The following ZFPM2 variants were observed in gnomAD, a reference collection of about 807,000 sequenced individuals.
ZFPM2 encodes zinc finger protein ZFPM2.
ZFPM2 carries 20 observed loss-of-function variants against 98.6 expected under a neutral mutation model. The ratio of observed to expected loss-of-function variants is 0.20; its 90% CI spans 0.14 to 0.29. ZFPM2 has a LOEUF of 0.29. Ranked by LOEUF, ZFPM2 falls within the 10% of genes least tolerant of loss-of-function variation. The pLI, the probability that ZFPM2 is intolerant of heterozygous loss-of-function variation, is 1.00. For missense variants in ZFPM2, 1,310 were observed against 1,388.6 expected, an observed-to-expected ratio of 0.94 and a Z score of 0.90; for synonymous variants, 518 against 502.7, an observed-to-expected ratio of 1.03 and a Z score of -0.41.
chr8:105,377,758 T>G (rs1259429621), intron 1 of ZFPM2, among the ~76,000 whole-genome samples: 1 of 151,974 alleles, frequency 6.6e-6, no homozygotes, highest in East Asian at 1.9e-4. Context: ...CCAGCCTGAG[T>G]GACAGATCAA....
Position 105,692,508 on chromosome 8 carries a change from AAATGGGATGTTCATAAGTATGTAATTC to A in ZFPM2, c.532+58156_532+58182del, listed in dbSNP as rs780528623. On this transcript the variant is annotated intron_variant, in intron 5 of 7. Transcript: ENST00000407775. ...TTGAATCACATAATCAGATTCGTAC[AAATGGGATGTTCATAAGTATGTAATTC>A]AATGTAGCATGCATTAAGTGCTTTA... Among the ~76,000 whole-genome samples the A allele has an allele frequency of 3.9e-4, 60 of 152,342 alleles. 1 individual carries two copies. The highest frequency in any genetic ancestry group is 6.8e-4 in the Non-Finnish European group (46 of 68,028).
chr8:105,468,392 C>T (rs537273375), intron 3 of ZFPM2, among the ~76,000 whole-genome samples: 3 of 152,038 alleles, frequency 2.0e-5, no homozygotes, highest in African/African-American at 4.8e-5. Flanking sequence ...TTTACAACCA[C>T]GCTTTATCCC....
At chr8:105,677,283 A>G (rs1810493554) in intron 5 of ZFPM2, among the ~76,000 whole-genome samples, 1 of 151,892 alleles carries the variant, frequency 6.6e-6, no homozygotes, top group African/African-American at 2.4e-5. Flanking sequence ...ACAAGATGCT[A>G]TGCTAAGTAC....
chr8:105,501,687 A>G (rs1263646185), intron 3 of ZFPM2, among the ~76,000 whole-genome samples: 2 of 150,274 alleles, frequency 1.3e-5, no homozygotes, highest in African/African-American at 4.9e-5. Context: ...CAGTTTCACC[A>G]TCTTGGCCAG....
At chr8:105,442,023 T>G (rs575754392) in intron 2 of ZFPM2, among the ~76,000 whole-genome samples, 33 of 152,078 alleles carry the variant, frequency 2.2e-4, no homozygotes, top group Admixed American at 3.9e-4. Flanking sequence ...GTTTTAAAAA[T>G]GTTTTAAAAA....
intron 6 of ZFPM2, among the ~76,000 whole-genome samples, chr8:105,793,375 G>C (rs1813685415): frequency 6.6e-6 from 1 of 152,116 alleles, no homozygotes; most frequent in Admixed American, 6.5e-5. Flanking sequence ...GAAATTCTGG[G>C]TTGAAAATTC....
chr8:105,748,114 T>C (rs1160294943), intron 5 of ZFPM2, among the ~76,000 whole-genome samples: 1 of 152,084 alleles, frequency 6.6e-6, no homozygotes, highest in Non-Finnish European at 1.5e-5. Flanking sequence ...TCATTCAACA[T>C]GAATCTATTG....
chr8:105,629,237 G>A (rs188935821), intron 4 of ZFPM2, among the ~76,000 whole-genome samples: 31 of 152,266 alleles, frequency 2.0e-4, no homozygotes, highest in African/African-American at 6.5e-4. Flanking sequence ...GCTCCCTCCC[G>A]CGAGGAGATG....
At chr8:105,410,360 C>T (rs1231277225) in intron 1 of ZFPM2, among the ~76,000 whole-genome samples, 2 of 151,792 alleles carry the variant, frequency 1.3e-5, no homozygotes, top group South Asian at 2.1e-4. Flanking sequence ...CCCTATGAAA[C>T]GATTTAAGAA....
At chr8:105,454,635 C>A (rs1380482611) in intron 3 of ZFPM2, among the ~76,000 whole-genome samples, 2 of 152,238 alleles carry the variant, frequency 1.3e-5, no homozygotes, top group East Asian at 3.9e-4. Context: ...TCCCTTGTAT[C>A]TGTAGGATTT....
intron 3 of ZFPM2, among the ~76,000 whole-genome samples, chr8:105,554,131 A>C (rs1357687740): frequency 6.6e-6 from 1 of 152,172 alleles, no homozygotes; most frequent in Non-Finnish European, 1.5e-5. Context: ...TATCTCTATA[A>C]GGCAATTTGT....
intron 1 of ZFPM2, among the ~76,000 whole-genome samples, chr8:105,341,325 T>G (rs995707121): frequency 6.6e-5 from 10 of 151,982 alleles, no homozygotes; most frequent in African/African-American, 2.2e-4. Flanking sequence ...ACAACGCAAT[T>G]GCACTGACAA....
intron 5 of ZFPM2, among the ~76,000 whole-genome samples, chr8:105,644,143 TTC>T (rs1563755375): frequency 6.6e-6 from 1 of 152,188 alleles, no homozygotes; most frequent in Non-Finnish European, 1.5e-5. Context: ...CTTCTGTGGC[TTC>T]TCTTTCCATT....
intron 5 of ZFPM2, among the ~76,000 whole-genome samples, chr8:105,640,376 T>G (rs1159041243): frequency 2.6e-5 from 4 of 152,056 alleles, no homozygotes; most frequent in Admixed American, 6.6e-5. Flanking sequence ...AGCAATAGTT[T>G]ATGCTAATTT....
intron 1 of ZFPM2, among the ~76,000 whole-genome samples, chr8:105,340,716 A>G (rs961101044): frequency 3.3e-5 from 5 of 151,904 alleles, no homozygotes; most frequent in African/African-American, 1.2e-4. Context: ...GCACTGTTCT[A>G]TGTACAGAAG....
chr8:105,740,182 A>G (rs751121005), intron 5 of ZFPM2, among the ~76,000 whole-genome samples: 1 of 152,058 alleles, frequency 6.6e-6, no homozygotes, highest in Non-Finnish European at 1.5e-5. Context: ...TGTGCCTCCT[A>G]CAGGTCTGTT....
At chr8:105,787,207 G>A (rs1158813515) in intron 5 of ZFPM2, 1 of 152,170 alleles carries the variant, frequency 6.6e-6, no homozygotes, top group Non-Finnish European at 1.5e-5. Context: ...ATTTCGACAT[G>A]ATATGGTTTA....
chr8:105,615,648 A>C (rs1422372236), intron 4 of ZFPM2, among the ~76,000 whole-genome samples: 1 of 152,138 alleles, frequency 6.6e-6, no homozygotes, highest in Non-Finnish European at 1.5e-5. Flanking sequence ...TAAAAGGCTG[A>C]GAAACACTGG....
chr8:105,329,389 G>T (rs1349326514), intron 1 of ZFPM2, among the ~76,000 whole-genome samples: 1 of 151,814 alleles, frequency 6.6e-6, no homozygotes, highest in Non-Finnish European at 1.5e-5. Flanking sequence ...TGAAGATTCA[G>T]TCTACAAACA....
Sources: allele counts gnomAD v4.1 joint callset (sites outside exome capture counted in the v4.1 genomes callset), GRCh38; gene constraint gnomAD v4.1.1; transcripts MANE v1.5; gene names NCBI Gene and HGNC (gene_info 2026-07-23, HGNC 2026-07-21).